Variants in TSHZ2 observed in about 807,000 individuals in gnomAD.
TSHZ2 encodes the protein teashirt homolog 2.
A neutral mutation model predicts 74.4 loss-of-function variants in TSHZ2; 21 were observed. That is an observed-to-expected ratio of 0.28 (90% CI 0.20 to 0.41). TSHZ2 has a LOEUF of 0.41. Ranked by LOEUF, TSHZ2 falls within the 10% of genes least tolerant of loss-of-function variation. TSHZ2 has a pLI of 1.00. For synonymous variants in TSHZ2, 540 were observed against 515.3 expected (o/e 1.05, Z -0.65); for missense variants, 1,244 against 1,293.5 (o/e 0.96, Z 0.59).
At chr20:53,012,649 T>TAACC (rs755870220) in intron 1 of TSHZ2, among the ~76,000 whole-genome samples, 1 of 152,046 alleles carries the variant, frequency 6.6e-6, no homozygotes, top group Non-Finnish European at 1.5e-5. Flanking sequence ...TTTACAGCCC[T>TAACC]AACCAACCAA....
intron 2 of TSHZ2, among the ~76,000 whole-genome samples, chr20:53,338,147 C>T (rs1980032129): frequency 6.6e-6 from 1 of 152,234 alleles, no homozygotes; most frequent in South Asian, 2.1e-4. Context: ...AGGCATTCAC[C>T]AGCCATGAGG....
At chr20:53,184,407 G>A (rs1373418708) in intron 1 of TSHZ2, among the ~76,000 whole-genome samples, 1 of 152,068 alleles carries the variant, frequency 6.6e-6, no homozygotes, top group Non-Finnish European at 1.5e-5. Flanking sequence ...CTGTGTTTTG[G>A]AGGTCAATAT....
rs544408071 is a variant in TSHZ2, at chr20:53,182,907, G to T, written c.41-70592G>T. ...TGATATTTAATGAAGTCACCTCATG[G>T]CGTTTTAATGATTGCTAGATGGAAC... On this transcript the variant is annotated intron_variant, in intron 1 of 2. Transcript: ENST00000371497. 2.6e-5 allele frequency among the ~76,000 whole-genome samples: 4 copies of T among 152,278 alleles called. No homozygotes were observed. In the East Asian group the frequency reaches 7.7e-4, roughly 29 times the overall value.
At chr20:53,146,958 A>G (rs1485978149) in intron 1 of TSHZ2, among the ~76,000 whole-genome samples, 2 of 152,188 alleles carry the variant, frequency 1.3e-5, no homozygotes, top group Non-Finnish European at 2.9e-5. Context: ...AAGATTAACC[A>G]GTTAGTATTT....
rs1990493188 is a variant in TSHZ2 at position 53,256,787 on chromosome 20, G to A, written c.*8+216G>A. 6.6e-6 allele frequency among the ~76,000 whole-genome samples: 1 copy of A among 152,130 alleles called. No homozygotes were observed. The highest frequency in any genetic ancestry group is 1.5e-5 in the Non-Finnish European group (1 of 68,038). On this transcript the variant is annotated intron_variant, in intron 2 of 2. Coordinates refer to ENST00000371497, the MANE Select transcript of TSHZ2 (RefSeq NM_173485.6). The surrounding 1 kb of genome is among the most constrained non-coding windows in gnomAD (Gnocchi z 4.3). ...TAGAGCTGGGAACTAGAATAAAACG[G>A]GTTTAGAGAGATAAAGTTCACAGAT...
At chr20:53,415,271 C>G (rs1423575016) in intron 2 of TSHZ2, among the ~76,000 whole-genome samples, 1 of 152,182 alleles carries the variant, frequency 6.6e-6, no homozygotes, top group Non-Finnish European at 1.5e-5. Context: ...TAAGATTCAT[C>G]TTTGTAGTCT....
chr20:53,110,110 A>G (rs536028922), intron 1 of TSHZ2, among the ~76,000 whole-genome samples: 2 of 152,238 alleles, frequency 1.3e-5, no homozygotes, highest in South Asian at 4.2e-4. Context: ...CTGTGTGATC[A>G]TGGCCAGCTG....
intron 1 of TSHZ2, among the ~76,000 whole-genome samples, chr20:53,079,775 G>A (rs915206751): frequency 6.6e-6 from 1 of 151,994 alleles, no homozygotes; most frequent in Non-Finnish European, 1.5e-5. Context: ...TTTCACAAAA[G>A]CACCAGCAGA....
intron 1 of TSHZ2, among the ~76,000 whole-genome samples, chr20:53,149,186 T>G (rs937609887): frequency 1.3e-5 from 2 of 152,112 alleles, no homozygotes; most frequent in Admixed American, 6.5e-5. Flanking sequence ...AGGGTTTTTT[T>G]TTTTTTTTTA....
At chr20:53,030,402 C>T (rs1385330633) in intron 1 of TSHZ2, among the ~76,000 whole-genome samples, 1 of 150,642 alleles carries the variant, frequency 6.6e-6, no homozygotes, top group African/African-American at 2.4e-5. Context: ...AGGAAATTCA[C>T]AGTTTCATCT....
intron 1 of TSHZ2, among the ~76,000 whole-genome samples, chr20:53,163,998 T>C (rs1255879652): frequency 6.6e-6 from 1 of 152,254 alleles, no homozygotes; most frequent in Non-Finnish European, 1.5e-5. Context: ...ACCATGTTTA[T>C]GTAACATCAT....
intron 1 of TSHZ2, among the ~76,000 whole-genome samples, chr20:53,149,025 G>C (rs1987612275): frequency 6.6e-6 from 1 of 152,158 alleles, no homozygotes; most frequent in South Asian, 2.1e-4. Context: ...TGGCTTACTT[G>C]ATGCCAGTTT....
intron 1 of TSHZ2, among the ~76,000 whole-genome samples, chr20:52,991,632 T>A (rs1463027878): frequency 1.3e-5 from 2 of 148,636 alleles, no homozygotes; most frequent in Admixed American, 6.7e-5. Flanking sequence ...TTGTGGGTAT[T>A]AGTGTGTGTT....
chr20:53,174,000 A>G (rs1988264544), intron 1 of TSHZ2, among the ~76,000 whole-genome samples: 1 of 152,232 alleles, frequency 6.6e-6, no homozygotes, highest in Non-Finnish European at 1.5e-5. Context: ...ATACACACAC[A>G]TACACATACC....
intron 2 of TSHZ2, among the ~76,000 whole-genome samples, chr20:53,259,639 G>A (rs1184416217): frequency 6.6e-6 from 1 of 152,194 alleles, no homozygotes; most frequent in Non-Finnish European, 1.5e-5. Flanking sequence ...CCAATGAGCT[G>A]CCACTTCTGT....
intron 2 of TSHZ2, among the ~76,000 whole-genome samples, chr20:53,367,764 G>T (rs1981322473): frequency 6.6e-6 from 1 of 152,040 alleles, no homozygotes; most frequent in East Asian, 2.0e-4. Context: ...GTAGAGACGG[G>T]GTTTCATCGT....
intron 2 of TSHZ2, among the ~76,000 whole-genome samples, chr20:53,425,936 T>C (rs1983639603): frequency 6.6e-6 from 1 of 151,392 alleles, no homozygotes; most frequent in African/African-American, 2.5e-5. Context: ...TCCTGCTGTC[T>C]CCAAAAAAAC....
At chr20:53,165,073 A>G (rs1988034339) in intron 1 of TSHZ2, among the ~76,000 whole-genome samples, 1 of 152,148 alleles carries the variant, frequency 6.6e-6, no homozygotes, top group South Asian at 2.1e-4. Flanking sequence ...GAGTCGATGG[A>G]TAGATGAGTG....
intron 1 of TSHZ2, among the ~76,000 whole-genome samples, chr20:53,122,245 G>A (rs760508380): frequency 1.4e-5 from 2 of 147,578 alleles, no homozygotes; most frequent in South Asian, 2.1e-4. Flanking sequence ...CCAAGATCAC[G>A]CCACTTCACT....
Sources: gnomAD v4.1 joint callset for allele counts (sites outside exome capture counted in the v4.1 genomes callset) on GRCh38, gnomAD v4.1.1 for gene constraint, Gnocchi (gnomAD v3.1) non-coding constraint, MANE v1.5 for transcripts, NCBI Gene and HGNC (gene_info 2026-07-23, HGNC 2026-07-21) for gene names.